SLC28A1: variants seen among roughly 807,000 people sequenced by gnomAD.
The protein encoded by SLC28A1 is sodium/nucleoside cotransporter 1.
In SLC28A1, 64 loss-of-function variants were observed where a neutral mutation model predicts 74.8. The observed-to-expected ratio is 0.86, with a 90% CI of 0.70 to 1.05. The LOEUF (loss-of-function observed/expected upper bound fraction) is 1.05, where lower values mean the gene tolerates loss of function less well. Among genes scored for constraint, SLC28A1 ranks in the 50% least tolerant of loss-of-function variants. SLC28A1 has a pLI of 0.00. For missense variants in SLC28A1, 828 were observed against 822.8 expected (o/e 1.01, Z -0.08); for synonymous variants, 359 against 335.0 (o/e 1.07, Z -0.78).
intron 6 of SLC28A1, among the ~76,000 whole-genome samples, chr15:84,898,520 A>G (rs1966262315): frequency 6.6e-6 from 1 of 150,862 alleles, no homozygotes; most frequent in Non-Finnish European, 1.5e-5. Context: ...CAGAGCTTGC[A>G]GTGAGCTGAG....
chr15:84,934,773 T>C (rs765556611), intron 13 of SLC28A1, among the ~76,000 whole-genome samples: 4 of 152,230 alleles, frequency 2.6e-5, no homozygotes, highest in Non-Finnish European at 5.9e-5. Flanking sequence ...CTGTATTTTG[T>C]ACAACACAAC....
rs760711467 is a variant in SLC28A1 at position 84,933,136 on chromosome 15, C to G, written c.1084-9C>G. ...TGTCCACCTAGAACCTGCACTCTCACTCTTGCAGATCGATGCCACCTCGTT... is the reference window on the plus strand; with the variant it reads ...TGTCCACCTAGAACCTGCACTCTCAGTCTTGCAGATCGATGCCACCTCGTT... On this transcript the variant is annotated splice_polypyrimidine_tract_variant and intron_variant, in intron 12 of 18. Transcript: ENST00000394573. The G allele has an allele frequency of 3.1e-6, 5 of 1,612,846 alleles. No individual in the cohort carries two copies. Among genetic ancestry groups the G allele is most frequent in the Admixed American group, 3.3e-5 (2 of 59,966 alleles).
At chr15:84,937,132 GTTTT>G (rs1217463439) in intron 15 of SLC28A1, among the ~76,000 whole-genome samples, 2 of 149,564 alleles carry the variant, frequency 1.3e-5, no homozygotes, top group African/African-American at 4.9e-5. Flanking sequence ...AGCCATTTTT[GTTTT>G]TTTGTTTTTT....
chr15:84,921,396 G>T (rs966818813), intron 11 of SLC28A1, among the ~76,000 whole-genome samples: 1 of 152,222 alleles, frequency 6.6e-6, no homozygotes, highest in Non-Finnish European at 1.5e-5. Context: ...CCTTGACCAA[G>T]ATTCCACACA....
In SLC28A1 at chr15:84,884,853, T is replaced by A. The variant is rs116300410; in HGVS notation, c.-133+102T>A. The A allele has an allele frequency of 3.1e-3, 1,566 of 512,748 alleles. 19 individuals carry two copies. Among genetic ancestry groups the A allele is most frequent in the African/African-American group, 0.03 (1,460 of 48,120 alleles). The allele number at this position is 512,748 out of a possible 1,614,324, so 31.8% of individuals were successfully genotyped here. ...GTGGAAAAGCAGGTAGCGTCCTTTT[T>A]TTCTTCACTAGGGCTTGGCGAAGAC... On this transcript the variant is annotated intron_variant, in intron 1 of 18. Transcript: ENST00000394573.
chr15:84,961,590 C>T, the SLC28A1 span: 1 of 440,722 alleles, frequency 2.3e-6, no homozygotes, highest in Non-Finnish European at 4.5e-6. Context: ...ATCCTACTGC[C>T]TTGGCTTCCC....
In SLC28A1 at chr15:84,886,771, C is replaced by T. The variant is rs796535810; in HGVS notation, c.-33C>T. On this transcript the variant is annotated 5_prime_UTR_variant, in exon 2 of 19. Transcript: ENST00000394573. Reference sequence around the variant, plus strand: ...GCTTCCCTCTCTCTCTGAGAGCGACCTGTTAACCGCAAATACGTGAGTAGA... The same window carrying T: ...GCTTCCCTCTCTCTCTGAGAGCGACTTGTTAACCGCAAATACGTGAGTAGA... The T allele has an allele frequency of 5.7e-5, 56 of 985,366 alleles. No homozygotes were observed. The African/African-American group carries it at 9.6e-4, about 17-fold the overall frequency. The allele number at this position is 985,366 out of a possible 1,614,324, so 61.0% of individuals were successfully genotyped here.
chr15:84,961,256 T>C, the SLC28A1 span, among the ~76,000 whole-genome samples: 3 of 152,126 alleles, frequency 2.0e-5, no homozygotes, highest in African/African-American at 7.2e-5. Flanking sequence ...CTTTTCAGCC[T>C]GGATTTCAGG....
intron 2 of SLC28A1, 148 bp from the exon 3 acceptor site, chr15:84,887,597 G>C: frequency 6.6e-7 from 1 of 1,517,356 alleles, no homozygotes; most frequent in South Asian, 1.2e-5. Context: ...GTGAGCTCTG[G>C]GATGGCATAG....
At chr15:84,927,550 G>C (rs372094316) in intron 12 of SLC28A1, among the ~76,000 whole-genome samples, 1 of 151,930 alleles carries the variant, frequency 6.6e-6, no homozygotes, top group Admixed American at 6.6e-5. Context: ...TGGAAGGGGG[G>C]GTCTTATGAC....
At chr15:84,946,106 ATATATATTT>A (rs2079211599), downstream of SLC28A1, among the ~76,000 whole-genome samples, 1 of 11,352 alleles carries the variant, frequency 8.8e-5, no homozygotes, top group Admixed American at 7.7e-4. Context: ...ATATATATAT[ATATATATTT>A]TTTTTTTTTT....
At chr15:84,943,665 A>G in intron 16 of SLC28A1, 139 bp downstream of exon 16, 1 of 719,486 alleles carries the variant, frequency 1.4e-6, no homozygotes, top group South Asian at 1.5e-5. Flanking sequence ...GTGGTGGCTC[A>G]TGCCTGTAAT....
the SLC28A1 span, among the ~76,000 whole-genome samples, chr15:84,957,549 G>A: frequency 6.6e-6 from 1 of 152,194 alleles, no homozygotes; most frequent in African/African-American, 2.4e-5. Context: ...TTACAGGCAT[G>A]AGCCACCATG....
intron 8 of SLC28A1, among the ~76,000 whole-genome samples, chr15:84,906,355 C>T (rs1281297280): frequency 6.6e-6 from 1 of 151,954 alleles, no homozygotes; most frequent in Admixed American, 6.6e-5. Context: ...CTTGCTTTGA[C>T]ATCCAGGCTG....
chr15:84,905,769 G>C lies in SLC28A1; in HGVS notation c.717+117G>C. 6 of 817,576 alleles carry C rather than the reference G, an allele frequency of 7.3e-6. No individual in the cohort carries two copies. In the South Asian group the frequency reaches 8.7e-5, roughly 12 times the overall value. The allele number at this position is 817,576 out of a possible 1,614,324, so 50.6% of individuals were successfully genotyped here. ...CCATAGAGAAGGCTTGGGACCTGGA[G>C]GGTGGGGTGGACTGGGGCCCCAGAC... is the stretch of plus-strand genomic sequence containing the variant. On this transcript the variant is annotated intron_variant, in intron 8 of 18. Transcript: ENST00000394573.
chr15:84,921,153 T>A lies in SLC28A1; in HGVS notation c.957+84T>A, dbSNP rs561752616. On this transcript the variant is annotated intron_variant, in intron 11 of 18. Coordinates refer to ENST00000394573, the MANE Select transcript of SLC28A1 (RefSeq NM_004213.5). ...TTCCCTGGATCCCCAGAGCTCTGATTCAGTCCAAGGAAGAGCCATTTGAAC... is the reference window on the plus strand; with the variant it reads ...TTCCCTGGATCCCCAGAGCTCTGATACAGTCCAAGGAAGAGCCATTTGAAC... 11 of 1,049,144 alleles carry A rather than the reference T, an allele frequency of 1.0e-5. No homozygotes were observed. The East Asian group carries it at 2.4e-4, about 23-fold the overall frequency. 65.0% of individuals were successfully genotyped at this position (1,049,144 alleles called of 1,614,324 possible).
At chr15:84,913,300 G>A (rs1968609495) in intron 9 of SLC28A1, among the ~76,000 whole-genome samples, 1 of 152,214 alleles carries the variant, frequency 6.6e-6, no homozygotes, top group Non-Finnish European at 1.5e-5. Flanking sequence ...CTTGGGGTCT[G>A]GAGACATGAG....
chr15:84,908,897 A>G (rs1967717067), intron 9 of SLC28A1, 102 bp downstream of exon 9: 2 of 955,368 alleles, frequency 2.1e-6, no homozygotes, highest in African/African-American at 1.6e-5. Flanking sequence ...GGAGGGGAGG[A>G]GTCCTGTGGG....
At chr15:84,908,654 C>G in intron 8 of SLC28A1, 64 bp from the exon 9 acceptor site, 47 of 1,383,774 alleles carry the variant, frequency 3.4e-5, no homozygotes, top group Non-Finnish European at 4.3e-5. Context: ...CTGGCCGCTG[C>G]TTCCTCCCTC....
Sources: gnomAD v4.1 joint callset for allele counts (sites outside exome capture counted in the v4.1 genomes callset) on GRCh38, gnomAD v4.1.1 for gene constraint, MANE v1.5 for transcripts, NCBI Gene and HGNC (gene_info 2026-07-23, HGNC 2026-07-21) for gene names.